Variants in GRIN2B observed in about 807,000 individuals in gnomAD.
GRIN2B encodes glutamate ionotropic receptor NMDA type subunit 2B.
In GRIN2B, 5 loss-of-function variants were observed where a neutral mutation model predicts 114.5. That is an observed-to-expected ratio of 0.04 (90% CI 0.02 to 0.09). GRIN2B has a LOEUF of 0.09. GRIN2B is among the 10% of genes least tolerant of loss of function. The probability of loss-of-function intolerance (pLI) is 1.00; values close to 1 mark genes in which losing one functional copy is unlikely to be tolerated. For missense variants in GRIN2B, 1,108 were observed against 1,943.5 expected (o/e 0.57, Z 8.08); for synonymous variants, 787 against 745.1 (o/e 1.06, Z -0.92).
intron 3 of GRIN2B, among the ~76,000 whole-genome samples, chr12:13,804,661 T>C (rs1864571771): frequency 1.3e-5 from 2 of 152,302 alleles, no homozygotes; most frequent in South Asian, 4.1e-4. Flanking sequence ...ATTTCCTATA[T>C]AACACTTAGT....
chr12:13,816,818 C>T (rs949721119), intron 3 of GRIN2B, among the ~76,000 whole-genome samples: 3 of 152,160 alleles, frequency 2.0e-5, no homozygotes, highest in Admixed American at 2.0e-4. Context: ...GTTTCTTCCT[C>T]TTTTATTGGG....
chr12:13,662,521 G>A (rs1949934582), intron 5 of GRIN2B, among the ~76,000 whole-genome samples: 2 of 152,116 alleles, frequency 1.3e-5, no homozygotes, highest in African/African-American at 4.8e-5. Flanking sequence ...AAGCGTATAT[G>A]GCACTATCTG....
At chr12:13,723,143 G>T (rs540908927) in intron 4 of GRIN2B, among the ~76,000 whole-genome samples, 243 of 126,486 alleles carry the variant, frequency 1.9e-3, no homozygotes, top group African/African-American at 4.6e-3. Flanking sequence ...TTTTTTTTTT[G>T]TTTTTTATTA....
intron 3 of GRIN2B, among the ~76,000 whole-genome samples, chr12:13,807,527 T>C (rs1012060076): frequency 3.9e-5 from 6 of 151,918 alleles, no homozygotes; most frequent in Non-Finnish European, 8.8e-5. Context: ...AAAGGCAGAA[T>C]CTCACCACAG....
chr12:13,957,758 G>A (rs1020998259), intron 2 of GRIN2B, among the ~76,000 whole-genome samples: 2 of 152,150 alleles, frequency 1.3e-5, no homozygotes, highest in East Asian at 1.9e-4. Context: ...CCTTGATGAC[G>A]ATGCAGGCTC....
intron 3 of GRIN2B, among the ~76,000 whole-genome samples, chr12:13,768,925 T>C (rs1863853165): frequency 6.6e-6 from 1 of 152,004 alleles, no homozygotes; most frequent in Admixed American, 6.6e-5. Context: ...CCCCAGCTAC[T>C]CAGGAGACTG....
In GRIN2B at chr12:13,564,610, C is replaced by T. The variant is rs199710029; in HGVS notation, c.2628G>A (p.Ala876=). ...RGIYSCIHGV[A]IEERQSVMNS... ...TCATTACAGACTGGCGCTCCTCGAT[C>T]GCCACCCCATGGATGCAGCTGTAGA... The change falls in exon 14 of 14, where the codon GCG becomes GCA. Residue 876 remains alanine, a synonymous_variant. Coordinates refer to ENST00000609686, the MANE Select transcript of GRIN2B (RefSeq NM_000834.5). The surrounding 1 kb of genome is among the most constrained non-coding windows in gnomAD (Gnocchi z 4.8). 833 of 1,613,876 alleles carry T rather than the reference C, an allele frequency of 5.2e-4. 6 individuals carry two copies. In the South Asian group the frequency reaches 8.4e-3, roughly 16 times the overall value.
intron 4 of GRIN2B, among the ~76,000 whole-genome samples, chr12:13,721,032 G>A (rs865913345): frequency 6.6e-6 from 1 of 152,042 alleles, no homozygotes; most frequent in Non-Finnish European, 1.5e-5. Context: ...CCGTACAATA[G>A]ATAGTGACCA....
intron 5 of GRIN2B, among the ~76,000 whole-genome samples, chr12:13,619,573 A>G (rs1949490955): frequency 2.0e-5 from 3 of 152,208 alleles, no homozygotes; most frequent in African/African-American, 4.8e-5. Flanking sequence ...TTAGCTGGGT[A>G]ATATCCTTAC....
At chr12:13,589,331 G>A (rs1368631554) in intron 10 of GRIN2B, among the ~76,000 whole-genome samples, 1 of 152,186 alleles carries the variant, frequency 6.6e-6, no homozygotes, top group East Asian at 1.9e-4. Flanking sequence ...TAGAATCCAA[G>A]TTGAACAAGG....
intron 2 of GRIN2B, among the ~76,000 whole-genome samples, chr12:13,964,353 T>C (rs1457520382): frequency 6.6e-6 from 1 of 152,178 alleles, no homozygotes; most frequent in Non-Finnish European, 1.5e-5. Context: ...TCTTGGAGGA[T>C]AGGCATTAAA....
rs2136595221 is a variant in GRIN2B, at chr12:13,723,148, TTA to T, written c.1010+30167_1010+30168del. Among the ~76,000 whole-genome samples the T allele has an allele frequency of 5.3e-5, 8 of 151,968 alleles. No homozygotes were observed. In the South Asian group the frequency reaches 1.7e-3, roughly 32 times the overall value. ...TGCTTACACCTTTTTTTTTTGTTTT[TTA>T]TTATTATACTTTAAGTTCTGGGATA... On this transcript the variant is annotated intron_variant, in intron 4 of 13. Coordinates refer to ENST00000609686, the MANE Select transcript of GRIN2B (RefSeq NM_000834.5).
intron 2 of GRIN2B, among the ~76,000 whole-genome samples, chr12:13,875,646 T>C (rs532931193): frequency 6.6e-6 from 1 of 152,290 alleles, no homozygotes; most frequent in East Asian, 1.9e-4. Flanking sequence ...ACCGCATCCC[T>C]CCACAAAGCC....
At chr12:13,938,206 G>T (rs1292657309) in intron 2 of GRIN2B, among the ~76,000 whole-genome samples, 1 of 151,854 alleles carries the variant, frequency 6.6e-6, no homozygotes, top group African/African-American at 2.4e-5. Flanking sequence ...GCAAGACATA[G>T]ACATTAGCCT....
At chr12:13,835,093 T>C (rs983993342) in intron 3 of GRIN2B, among the ~76,000 whole-genome samples, 4 of 152,194 alleles carry the variant, frequency 2.6e-5, no homozygotes, top group Non-Finnish European at 5.9e-5. Flanking sequence ...TTCTCTTTCT[T>C]TCCCCATTTT....
chr12:13,808,750 A>ATATAT (rs1555142372), intron 3 of GRIN2B, among the ~76,000 whole-genome samples: 13 of 111,822 alleles, frequency 1.2e-4, no homozygotes, highest in African/African-American at 3.4e-4. Flanking sequence ...TAATAAAAAA[A>ATATAT]AAATATATAT....
chr12:13,828,488 C>T (rs1865092289), intron 3 of GRIN2B, among the ~76,000 whole-genome samples: 1 of 152,116 alleles, frequency 6.6e-6, no homozygotes, highest in Admixed American at 6.5e-5. Flanking sequence ...TACCGGAGCT[C>T]CTTCTAACCT....
chr12:13,687,246 T>A (rs1251096658), intron 4 of GRIN2B, among the ~76,000 whole-genome samples: 1 of 152,230 alleles, frequency 6.6e-6, no homozygotes, highest in Non-Finnish European at 1.5e-5. Context: ...TGCTGTATCA[T>A]CATTCTCCTA....
At chr12:13,916,907 A>G (rs1392660233) in intron 2 of GRIN2B, among the ~76,000 whole-genome samples, 1 of 152,012 alleles carries the variant, frequency 6.6e-6, no homozygotes, top group Non-Finnish European at 1.5e-5. Flanking sequence ...GGCGTGGGGA[A>G]AAGTCAAGAA....
Sources: gnomAD v4.1 joint callset for allele counts (sites outside exome capture counted in the v4.1 genomes callset) on GRCh38, gnomAD v4.1.1 for gene constraint, Gnocchi (gnomAD v3.1) non-coding constraint, MANE v1.5 for transcripts, NCBI Gene and HGNC (gene_info 2026-07-23, HGNC 2026-07-21) for gene names.